USH2A: variants seen among roughly 807,000 people sequenced by gnomAD.
USH2A encodes the protein Usher syndrome 2A (autosomal recessive, mild).
A neutral mutation model predicts 538.9 loss-of-function variants in USH2A; 443 were observed. The ratio of observed to expected loss-of-function variants is 0.82; its 90% CI spans 0.76 to 0.89. The LOEUF is 0.89. USH2A is among the 40% of genes least tolerant of loss of function. The pLI, the probability that USH2A is intolerant of heterozygous loss-of-function variation, is 0.00. For missense variants in USH2A, 6,633 were observed against 6,324.8 expected, an observed-to-expected ratio of 1.05 and a Z score of -1.65; for synonymous variants, 2,413 against 2,273.5, an observed-to-expected ratio of 1.06 and a Z score of -1.75.
intron 4 of USH2A, among the ~76,000 whole-genome samples, chr1:216,346,997 G>A (rs1053954448): frequency 1.3e-5 from 2 of 152,040 alleles, no homozygotes; most frequent in East Asian, 1.9e-4. Flanking sequence ...CTTTAGGAAT[G>A]TTTGGGAAAT....
At chr1:215,694,354 A>T (rs1223223308) in intron 61 of USH2A, among the ~76,000 whole-genome samples, 1 of 152,192 alleles carries the variant, frequency 6.6e-6, no homozygotes, top group Non-Finnish European at 1.5e-5. Context: ...CGGGTAGATC[A>T]GGAGGTCAGG....
In USH2A at chr1:215,743,238, G is replaced by C. The variant is rs2102727440; in HGVS notation, c.11487C>G (p.Thr3829=). ...LAFSVGHHQS[T]LLENLTPFTQ... is the part of the protein sequence containing the mutation. ...TGAATGGAGTCAAATTTTCCAGAAG[G>C]GTGGATTGATGATGACCAACGGAGA... The change falls in exon 59 of 72, where the codon ACC becomes ACG. Residue 3829 remains threonine, a synonymous_variant. Transcript: ENST00000307340. 2 of 1,612,338 alleles carry C rather than the reference G, an allele frequency of 1.2e-6. No homozygotes were observed. Among genetic ancestry groups the C allele is most frequent in the Non-Finnish European group, 1.7e-6 (2 of 1,179,454 alleles).
chr1:216,038,810 T>A (rs2030123659), intron 32 of USH2A, among the ~76,000 whole-genome samples: 1 of 152,092 alleles, frequency 6.6e-6, no homozygotes. Context: ...AGGACACCTC[T>A]ATTTGTAACA....
intron 30 of USH2A, among the ~76,000 whole-genome samples, chr1:216,064,497 A>AT (rs1165098313): frequency 3.3e-4 from 49 of 150,208 alleles, no homozygotes; most frequent in African/African-American, 1.1e-3. Context: ...CTTGCTAGGG[A>AT]TTGTTTTTTT....
At chr1:216,100,791 C>T (rs1027730651) in intron 21 of USH2A, among the ~76,000 whole-genome samples, 2 of 152,202 alleles carry the variant, frequency 1.3e-5, no homozygotes, top group Non-Finnish European at 1.5e-5. Flanking sequence ...AATATTTAGA[C>T]AAGATATACG....
chr1:216,234,735 T>G (rs996510644), intron 13 of USH2A, among the ~76,000 whole-genome samples: 15 of 151,998 alleles, frequency 9.9e-5, no homozygotes, highest in African/African-American at 3.6e-4. Flanking sequence ...TTGGAAAAAT[T>G]AAGGGTGATT....
chr1:216,194,026 C>A (rs1205582514), intron 19 of USH2A: 1 of 152,130 alleles, frequency 6.6e-6, no homozygotes, highest in Non-Finnish European at 1.5e-5. Flanking sequence ...ATCCTACATA[C>A]TTTATCACTT....
intron 4 of USH2A, among the ~76,000 whole-genome samples, chr1:216,350,073 A>C (rs1157644306): frequency 6.6e-6 from 1 of 152,144 alleles, no homozygotes; most frequent in Non-Finnish European, 1.5e-5. Context: ...AAGCAGGTAC[A>C]TCACATGTGG....
At chr1:216,063,467 C>T (rs1355414313) in intron 30 of USH2A, among the ~76,000 whole-genome samples, 1 of 152,132 alleles carries the variant, frequency 6.6e-6, no homozygotes, top group Non-Finnish European at 1.5e-5. Flanking sequence ...TTACCTTCTA[C>T]CTATGTCCTT....
At chr1:216,415,752 CCTGG>C (rs1487003325) in intron 3 of USH2A, among the ~76,000 whole-genome samples, 1 of 151,928 alleles carries the variant, frequency 6.6e-6, no homozygotes, top group African/African-American at 2.4e-5. Flanking sequence ...GCCTCGAACT[CCTGG>C]TTCGAGCTAT....
rs1447842559 is a variant in USH2A, at chr1:216,054,522, GC to G, written c.6050-5876del. Among the ~76,000 whole-genome samples, 10 of 152,236 alleles carry G rather than the reference GC, an allele frequency of 6.6e-5. No individual in the cohort carries two copies. The South Asian group carries it at 1.4e-3, about 22-fold the overall frequency. On this transcript the variant is annotated intron_variant, in intron 30 of 71. Transcript: ENST00000307340. Reference sequence around the variant, plus strand: ...TTATGATTAACTCCTCTGACTAAATGCAGACAAGTATAAATGCTCTGCCTGG... The same window carrying G: ...TTATGATTAACTCCTCTGACTAAATGAGACAAGTATAAATGCTCTGCCTGG...
rs955539537 is a variant in USH2A at position 216,005,498 on chromosome 1, G to A, written c.6326-4936C>T. Among the ~76,000 whole-genome samples the A allele has an allele frequency of 1.1e-4, 16 of 152,020 alleles. No individual in the cohort carries two copies. In the East Asian group the frequency reaches 1.5e-3, roughly 15 times the overall value. On this transcript the variant is annotated intron_variant, in intron 32 of 71. Coordinates refer to ENST00000307340, the MANE Select transcript of USH2A (RefSeq NM_206933.4). ...CCAGGAATGGTGTGATGACTAACTCGCATAATTTTACTTGTTGTAAATGAA... is the reference window on the plus strand; with the variant it reads ...CCAGGAATGGTGTGATGACTAACTCACATAATTTTACTTGTTGTAAATGAA...
chr1:216,005,393 T>C (rs192903932), intron 32 of USH2A, among the ~76,000 whole-genome samples: 38 of 152,344 alleles, frequency 2.5e-4, no homozygotes, highest in Middle Eastern at 3.4e-3. Context: ...CATTTATATC[T>C]TGATATTATA....
intron 63 of USH2A, 79 bp from the exon 64 acceptor site, chr1:215,671,372 T>TAAAA: frequency 8.7e-7 from 1 of 1,155,764 alleles, no homozygotes; most frequent in South Asian, 1.5e-5. Flanking sequence ...CACCAGGCCT[T>TAAAA]AAAAAAAAAA....
intron 50 of USH2A, among the ~76,000 whole-genome samples, chr1:215,795,519 A>T (rs935697770): frequency 6.6e-6 from 1 of 152,232 alleles, no homozygotes; most frequent in Non-Finnish European, 1.5e-5. Context: ...CATAATACAT[A>T]TTTAACAAAG....
At chr1:216,119,215 A>T (rs752326849) in intron 21 of USH2A, among the ~76,000 whole-genome samples, 1 of 152,222 alleles carries the variant, frequency 6.6e-6, no homozygotes, top group Non-Finnish European at 1.5e-5. Context: ...GTAGCCATTT[A>T]TTCAATTTGG....
chr1:215,730,125 T>C (rs143789429), intron 60 of USH2A, among the ~76,000 whole-genome samples: 239 of 152,316 alleles, frequency 1.6e-3, no homozygotes, highest in Non-Finnish European at 2.6e-3. Context: ...GCATTAAATA[T>C]AGAAGTAAGA....
intron 61 of USH2A, among the ~76,000 whole-genome samples, chr1:215,690,302 CTGGCCAT>C (rs1303698001): frequency 3.3e-5 from 5 of 152,166 alleles, no homozygotes; most frequent in Non-Finnish European, 5.9e-5. Flanking sequence ...ACTAAGGTGG[CTGGCCAT>C]CCTTGGCTTC....
At chr1:215,990,118 A>G (rs1319620998) in intron 35 of USH2A, among the ~76,000 whole-genome samples, 2 of 152,238 alleles carry the variant, frequency 1.3e-5, no homozygotes, top group African/African-American at 4.8e-5. Flanking sequence ...TTCAGAAATT[A>G]GAAAGCAACC....
Sources: allele counts gnomAD v4.1 joint callset (sites outside exome capture counted in the v4.1 genomes callset), GRCh38; gene constraint gnomAD v4.1.1; transcripts MANE v1.5; gene names NCBI Gene and HGNC (gene_info 2026-07-23, HGNC 2026-07-21).